Variants in PLXDC2 observed in about 807,000 individuals in gnomAD.
PLXDC2 encodes the protein plexin domain containing 2.
Under a neutral mutation model 68.9 loss-of-function variants are expected in PLXDC2, and 40 were observed. That is an observed-to-expected ratio of 0.58 (90% confidence interval 0.45 to 0.76). The LOEUF (loss-of-function observed/expected upper bound fraction) is 0.76, where lower values mean the gene tolerates loss of function less well. Ranked by LOEUF, PLXDC2 falls within the 30% of genes least tolerant of loss-of-function variation. PLXDC2 has a pLI of 0.00. For missense variants in PLXDC2, 644 were observed against 661.9 expected (o/e 0.97, Z 0.30); for synonymous variants, 243 against 234.2 (o/e 1.04, Z -0.34).
chr10:20,146,531 C>T (rs976386158), intron 5 of PLXDC2, among the ~76,000 whole-genome samples: 3 of 147,296 alleles, frequency 2.0e-5, no homozygotes, highest in South Asian at 4.6e-4. Flanking sequence ...TCCCTCCCTC[C>T]CTCCCTCCCT....
intron 1 of PLXDC2, among the ~76,000 whole-genome samples, chr10:19,952,631 A>T (rs888244613): frequency 5.9e-5 from 9 of 152,350 alleles, no homozygotes; most frequent in Non-Finnish European, 4.4e-5. Flanking sequence ...TTCAGAGAAT[A>T]TACAGAGAAA....
At chr10:19,890,301 G>A (rs1837929979) in intron 1 of PLXDC2, among the ~76,000 whole-genome samples, 1 of 152,066 alleles carries the variant, frequency 6.6e-6, no homozygotes, top group African/African-American at 2.4e-5. Context: ...TTATGTGGAT[G>A]TACTGTGTGT....
chr10:19,906,576 G>C (rs1344960007), intron 1 of PLXDC2, among the ~76,000 whole-genome samples: 1 of 152,076 alleles, frequency 6.6e-6, no homozygotes, highest in African/African-American at 2.4e-5. Context: ...AGCCCCATAG[G>C]GGAGGTGGTT....
At chr10:20,204,026 T>TAG (rs10640155) in intron 9 of PLXDC2, among the ~76,000 whole-genome samples, 71,900 of 151,626 alleles carry the variant, frequency 0.47, 17,225 homozygotes, top group Middle Eastern at 0.56. Flanking sequence ...AGGTTATGAA[T>TAG]AGTCATCTAT....
rs1397225795 is a variant in PLXDC2, at chr10:19,933,880, GA to G, written c.113-67889del. Among the ~76,000 whole-genome samples, 65 of 121,190 alleles carry G rather than the reference GA, an allele frequency of 5.4e-4. 1 individual carries two copies. The highest frequency in any genetic ancestry group is 1.0e-3 in the Non-Finnish European group (61 of 58,966). 79.5% of individuals were successfully genotyped at this position (121,190 alleles called of 152,430 possible). On this transcript the variant is annotated intron_variant, in intron 1 of 13. Transcript: ENST00000377252. The stretch of plus-strand genomic sequence containing the variant: ...AAGGAAAGGGAGGGTGGGAGGGAGG[GA>G]AAAAAGGAAGGAAAGAGAAAGAAAG...
intron 4 of PLXDC2, among the ~76,000 whole-genome samples, chr10:20,118,228 G>T (rs566916706): frequency 1.3e-5 from 2 of 151,856 alleles, no homozygotes; most frequent in Non-Finnish European, 2.9e-5. Context: ...CTTTCAGTTT[G>T]CAGTGTCTTA....
chr10:19,884,752 T>C (rs1281046866), intron 1 of PLXDC2, among the ~76,000 whole-genome samples: 1 of 152,218 alleles, frequency 6.6e-6, no homozygotes, highest in Non-Finnish European at 1.5e-5. Flanking sequence ...AAGTCTATCG[T>C]TGTTGGACAT....
rs1588555223 is a variant in PLXDC2 at position 20,272,527 on chromosome 10, A to G, written c.1474-7176A>G. ...CCTCTCATGGCAGCATAAACTATAA[A>G]TAAGATCTGTGCAAGTGAACACACT... On this transcript the variant is annotated intron_variant, in intron 13 of 13. Coordinates refer to ENST00000377252, the MANE Select transcript of PLXDC2 (RefSeq NM_032812.9). Among the ~76,000 whole-genome samples, 4 of 152,304 alleles carry G rather than the reference A, an allele frequency of 2.6e-5. No homozygotes were observed. In the South Asian group the frequency reaches 6.2e-4, roughly 24 times the overall value.
intron 1 of PLXDC2, among the ~76,000 whole-genome samples, chr10:19,916,521 A>G (rs1359293730): frequency 6.6e-6 from 1 of 152,070 alleles, no homozygotes; most frequent in Non-Finnish European, 1.5e-5. Flanking sequence ...AAAATACTCA[A>G]ATAAAAATTA....
chr10:20,106,677 G>A (rs1174543177), intron 4 of PLXDC2, among the ~76,000 whole-genome samples: 1 of 152,034 alleles, frequency 6.6e-6, no homozygotes, highest in African/African-American at 2.4e-5. Context: ...TCTTTGGCCA[G>A]AACTCTCCTT....
chr10:20,031,230 C>T (rs565967958), intron 2 of PLXDC2, among the ~76,000 whole-genome samples: 1 of 152,092 alleles, frequency 6.6e-6, no homozygotes, highest in East Asian at 1.9e-4. Context: ...GATAGCCGAC[C>T]ATGGTGTCAT....
Position 19,936,909 on chromosome 10 carries a change from T to A in PLXDC2, c.113-64866T>A, listed in dbSNP as rs370233215. Among the ~76,000 whole-genome samples the A allele has an allele frequency of 4.6e-5, 7 of 152,328 alleles. No individual in the cohort carries two copies. In the East Asian group the frequency reaches 7.7e-4, roughly 17 times the overall value. On this transcript the variant is annotated intron_variant, in intron 1 of 13. Coordinates refer to ENST00000377252, the MANE Select transcript of PLXDC2 (RefSeq NM_032812.9). ...TTAGCAAGATGGCTGTTACATAATATCCTATTCTGATACAATGATGGTCTT... is the reference window on the plus strand; with the variant it reads ...TTAGCAAGATGGCTGTTACATAATAACCTATTCTGATACAATGATGGTCTT...
chr10:19,870,829 T>C (rs1287475535), intron 1 of PLXDC2, among the ~76,000 whole-genome samples: 1 of 152,252 alleles, frequency 6.6e-6, no homozygotes, highest in Non-Finnish European at 1.5e-5. Flanking sequence ...ATCTGTCATA[T>C]GTAACTTAAT....
At chr10:20,050,116 C>A (rs1314411435) in intron 3 of PLXDC2, among the ~76,000 whole-genome samples, 1 of 151,994 alleles carries the variant, frequency 6.6e-6, no homozygotes, top group Non-Finnish European at 1.5e-5. Flanking sequence ...GGAGAAAAGA[C>A]TCCCTGTTCA....
At position 20,171,688 on chromosome 10, in the gene PLXDC2, A is replaced by AT. The variant is rs551951104; in HGVS notation, c.884-5306dup. On this transcript the variant is annotated intron_variant, in intron 7 of 13. Transcript: ENST00000377252. ...TTACATATTTGAGAATTTTTCTAAA[A>AT]TTTTTATGAACAGGGAAGGCTTTCT... 1.3e-3 allele frequency among the ~76,000 whole-genome samples: 200 copies of AT among 152,260 alleles called. 3 individuals carry two copies. In the South Asian group the frequency reaches 0.026, roughly 20 times the overall value.
chr10:20,133,750 C>T (rs927720366), intron 4 of PLXDC2, among the ~76,000 whole-genome samples: 1 of 152,094 alleles, frequency 6.6e-6, no homozygotes, highest in Admixed American at 6.5e-5. Flanking sequence ...TTTCTCTCTC[C>T]AGATTTGGGA....
chr10:19,930,472 A>C (rs985379848), intron 1 of PLXDC2, among the ~76,000 whole-genome samples: 1 of 152,160 alleles, frequency 6.6e-6, no homozygotes, highest in Non-Finnish European at 1.5e-5. Context: ...AATGAAATGC[A>C]ATGAAGCTGA....
intron 12 of PLXDC2, among the ~76,000 whole-genome samples, chr10:20,240,615 A>G (rs1227300241): frequency 6.6e-6 from 1 of 151,442 alleles, no homozygotes; most frequent in African/African-American, 2.4e-5. Flanking sequence ...AAGCCGTCAT[A>G]ATACCTGCTA....
chr10:20,028,614 G>T (rs528316057), intron 2 of PLXDC2, among the ~76,000 whole-genome samples: 2 of 152,290 alleles, frequency 1.3e-5, no homozygotes, highest in East Asian at 3.9e-4. Context: ...GACTGTCTCA[G>T]TTATACTAAG....
Sources: gnomAD v4.1 joint callset for allele counts (sites outside exome capture counted in the v4.1 genomes callset) on GRCh38, gnomAD v4.1.1 for gene constraint, MANE v1.5 for transcripts, NCBI Gene and HGNC (gene_info 2026-07-23, HGNC 2026-07-21) for gene names.